Variants in MTF2 observed in about 807,000 individuals in gnomAD.
The protein encoded by MTF2 is metal-response element-binding transcription factor 2.
In MTF2, 11 loss-of-function variants were observed where a neutral mutation model predicts 79.5. The ratio of observed to expected loss-of-function variants is 0.14; its 90% CI spans 0.09 to 0.23. The LOEUF is 0.23. Among genes scored for constraint, MTF2 ranks in the 10% least tolerant of loss-of-function variants. The pLI is 1.00. For missense variants in MTF2, 486 were observed against 711.2 expected, an observed-to-expected ratio of 0.68 and a Z score of 3.60; for synonymous variants, 208 against 232.8, an observed-to-expected ratio of 0.89 and a Z score of 0.97.
chr1:93,129,749 GATTC>G (rs988760413), intron 11 of MTF2, among the ~76,000 whole-genome samples: 1 of 151,802 alleles, frequency 6.6e-6, no homozygotes, highest in Non-Finnish European at 1.5e-5. Context: ...TTGATTGATT[GATTC>G]ATTCATTCAG....
At chr1:93,113,712 C>G (rs978770460) in intron 3 of MTF2, among the ~76,000 whole-genome samples, 16 of 152,114 alleles carry the variant, frequency 1.1e-4, no homozygotes, top group African/African-American at 3.9e-4. Context: ...TTTGGCACAT[C>G]TGGATTTGAA....
At chr1:93,134,956 A>G (rs978580414) in intron 14 of MTF2, among the ~76,000 whole-genome samples, 4 of 151,868 alleles carry the variant, frequency 2.6e-5, no homozygotes, top group Admixed American at 2.6e-4. Flanking sequence ...CTTCAGAAGG[A>G]CAACGTTTTT....
At chr1:93,108,071 T>C (rs905465003) in intron 1 of MTF2, among the ~76,000 whole-genome samples, 2 of 152,238 alleles carry the variant, frequency 1.3e-5, no homozygotes, top group South Asian at 4.1e-4. Flanking sequence ...ATGCTGCACC[T>C]GGCCTGTGTC....
At chr1:93,120,309 A>G in intron 8 of MTF2, 1 of 244,474 alleles carries the variant, frequency 4.1e-6, no homozygotes, top group Non-Finnish European at 7.6e-6. Context: ...AAGAAAAAAA[A>G]AAAAAAAAAA....
intron 1 of MTF2, among the ~76,000 whole-genome samples, chr1:93,101,271 A>G (rs1272831842): frequency 2.6e-5 from 4 of 151,342 alleles, no homozygotes; most frequent in African/African-American, 9.7e-5. Context: ...CAAGATGTAT[A>G]TGACTAGCAG....
intron 11 of MTF2, among the ~76,000 whole-genome samples, chr1:93,131,919 T>C (rs1373959693): frequency 6.6e-6 from 1 of 152,170 alleles, no homozygotes; most frequent in African/African-American, 2.4e-5. Context: ...CAGTTGGAAA[T>C]TGACCGAAGT....
At chr1:93,089,539 T>G (rs1654984875) in intron 1 of MTF2, among the ~76,000 whole-genome samples, 1 of 152,114 alleles carries the variant, frequency 6.6e-6, no homozygotes, top group African/African-American at 2.4e-5. Context: ...TCTAGAAAAT[T>G]GTTTGATTCT....
At chr1:93,106,853 A>G (rs2101051627) in intron 1 of MTF2, among the ~76,000 whole-genome samples, 1 of 152,304 alleles carries the variant, frequency 6.6e-6, no homozygotes, top group Admixed American at 6.5e-5. Context: ...GATTGCTAAT[A>G]GAGTTATTCC....
chr1:93,121,695 T>C, intron 9 of MTF2: 1 of 954,320 alleles, frequency 1.0e-6, no homozygotes, highest in Non-Finnish European at 1.2e-6. Flanking sequence ...TTTTGAATGT[T>C]AGATATTGGA....
intron 1 of MTF2, among the ~76,000 whole-genome samples, chr1:93,080,033 G>C (rs1654535969): frequency 6.6e-6 from 1 of 152,108 alleles, no homozygotes; most frequent in African/African-American, 2.4e-5. Context: ...GAGTAAAGGG[G>C]GTCGAGTGTA....
In MTF2 at chr1:93,127,268, G is replaced by A. The variant is rs946750863; in HGVS notation, c.958G>A (p.Val320Ile). 6.2e-7 allele frequency: 1 copy of A among 1,612,670 alleles called. No individual in the cohort carries two copies. ...DTPKSERYEH[V>I]LEALNDYKTM... ...ACCAAAATCTGAAAGATATGAGCAT[G>A]TTCTGGAGGCATTAAATGATTACAA... is the stretch of plus-strand genomic sequence containing the variant. Residue 320 changes from valine (V) to isoleucine (I), a missense_variant, in exon 10 of 15, where the codon GTT becomes ATT. Physicochemically the swap from Val to Ile is conservative, Grantham distance 29 (BLOSUM62 3). Transcript: ENST00000370298.
intron 14 of MTF2, among the ~76,000 whole-genome samples, chr1:93,136,208 A>G (rs917883083): frequency 6.6e-6 from 1 of 152,210 alleles, no homozygotes; most frequent in African/African-American, 2.4e-5. Flanking sequence ...TTACTTCACT[A>G]GGCCTAGAAC....
intron 1 of MTF2, among the ~76,000 whole-genome samples, chr1:93,107,468 C>T (rs1337536272): frequency 6.6e-6 from 1 of 152,172 alleles, no homozygotes. Context: ...TCAAATGATC[C>T]ACCTGCCTCG....
chr1:93,080,138 G>A (rs1654541029), intron 1 of MTF2, among the ~76,000 whole-genome samples: 1 of 151,982 alleles, frequency 6.6e-6, no homozygotes, highest in Non-Finnish European at 1.5e-5. Context: ...AGTGAGATGG[G>A]GGAAAGCTAG....
chr1:93,120,472 G>A (rs1656431069), intron 8 of MTF2, 77 bp from the exon 9 acceptor site: 2 of 1,360,934 alleles, frequency 1.5e-6, no homozygotes, highest in African/African-American at 3.0e-5. Flanking sequence ...TTTAATTACT[G>A]TTTTATAAGG....
At chr1:93,103,022 C>T (rs1360440285) in intron 1 of MTF2, among the ~76,000 whole-genome samples, 2 of 151,764 alleles carry the variant, frequency 1.3e-5, no homozygotes, top group Admixed American at 6.6e-5. Context: ...GTCTCAGCTA[C>T]TTGGGAGGCT....
chr1:93,116,741 A>G (rs140571316), intron 6 of MTF2, among the ~76,000 whole-genome samples: 4 of 151,860 alleles, frequency 2.6e-5, no homozygotes, highest in Non-Finnish European at 4.4e-5. Flanking sequence ...GCCTCAAGTG[A>G]TTCTCCTGCT....
intron 1 of MTF2, 128 bp downstream of exon 1, chr1:93,079,659 G>T (rs1234584612): frequency 1.5e-5 from 18 of 1,194,990 alleles, no homozygotes; most frequent in Non-Finnish European, 2.2e-5. Context: ...TCCTGTATGT[G>T]GGTGCCTTTG....
At chr1:93,114,906 A>G (rs1393605703) in intron 4 of MTF2, 82 bp from the exon 5 acceptor site, 2 of 1,253,588 alleles carry the variant, frequency 1.6e-6, no homozygotes, top group Non-Finnish European at 2.2e-6. Context: ...TAATGTAGGA[A>G]ATAATGCTAA....
Sources: gnomAD v4.1 joint callset for allele counts (sites outside exome capture counted in the v4.1 genomes callset) on GRCh38, gnomAD v4.1.1 for gene constraint, MANE v1.5 for transcripts, NCBI Gene and HGNC (gene_info 2026-07-23, HGNC 2026-07-21) for gene names.